Variants in PBX3 observed in about 807,000 individuals in gnomAD.
PBX3 encodes pre-B-cell leukemia transcription factor 3.
In PBX3, 14 loss-of-function variants were observed where a neutral mutation model predicts 48.5. The observed-to-expected ratio is 0.29, with a 90% CI of 0.19 to 0.45. The LOEUF is 0.45. Among genes scored for constraint, PBX3 ranks in the 20% least tolerant of loss-of-function variants. The pLI is 1.00. For synonymous variants in PBX3, 210 were observed against 200.3 expected, an observed-to-expected ratio of 1.05 and a Z score of -0.41; for missense variants, 386 against 546.7, an observed-to-expected ratio of 0.71 and a Z score of 2.93.
In PBX3 at chr9:125,867,852, A is replaced by T. The variant is rs146770915; in HGVS notation, c.275-47834A>T. Among the ~76,000 whole-genome samples the T allele has an allele frequency of 1.1e-3, 172 of 151,530 alleles. 1 individual carries two copies. Among genetic ancestry groups the T allele is most frequent in the African/African-American group, 3.9e-3 (162 of 41,302 alleles). Reference sequence around the variant, plus strand: ...TATATATATACACACACACACATACATATATTTGTTTTGTTTTGCTTTTGT... The same window carrying T: ...TATATATATACACACACACACATACTTATATTTGTTTTGTTTTGCTTTTGT... On this transcript the variant is annotated intron_variant, in intron 2 of 8. Transcript: ENST00000373489.
intron 2 of PBX3, among the ~76,000 whole-genome samples, chr9:125,897,673 A>G (rs973960377): frequency 1.3e-5 from 2 of 151,938 alleles, no homozygotes; most frequent in Admixed American, 1.3e-4. Flanking sequence ...GAAAACTGCT[A>G]TTTGAGGGCA....
chr9:125,830,767 G>T (rs1385415633), intron 2 of PBX3, among the ~76,000 whole-genome samples: 1 of 152,062 alleles, frequency 6.6e-6, no homozygotes, highest in East Asian at 1.9e-4. Flanking sequence ...GTTTAAAGAA[G>T]CTAAGTAACT....
chr9:125,783,570 A>G (rs766977459), intron 2 of PBX3, among the ~76,000 whole-genome samples: 1 of 152,166 alleles, frequency 6.6e-6, no homozygotes, highest in Non-Finnish European at 1.5e-5. Context: ...TACAGGCATC[A>G]GCCACCACGT....
intron 2 of PBX3, among the ~76,000 whole-genome samples, chr9:125,852,712 A>C (rs541341977): frequency 6.6e-6 from 1 of 152,264 alleles, no homozygotes; most frequent in South Asian, 2.1e-4. Context: ...TCTGTTATGA[A>C]ACATTTCCCA....
At chr9:125,809,097 C>T (rs1403916937) in intron 2 of PBX3, among the ~76,000 whole-genome samples, 2 of 152,158 alleles carry the variant, frequency 1.3e-5, no homozygotes, top group African/African-American at 4.8e-5. Flanking sequence ...AAACCTGGTA[C>T]TAAATAGACT....
intron 2 of PBX3, among the ~76,000 whole-genome samples, chr9:125,897,142 T>G (rs1022015394): frequency 5.9e-5 from 1 of 17,036 alleles, no homozygotes; most frequent in East Asian, 1.2e-3. Flanking sequence ...TCATTTGTGG[T>G]TTTTTTTTTT....
intron 2 of PBX3, among the ~76,000 whole-genome samples, chr9:125,868,574 T>G (rs1840043865): frequency 6.6e-6 from 1 of 151,926 alleles, no homozygotes; most frequent in African/African-American, 2.4e-5. Context: ...GAGTAGGGGG[T>G]GTCTGTCAGT....
At chr9:125,903,432 A>G (rs1840997068) in intron 2 of PBX3, among the ~76,000 whole-genome samples, 1 of 151,840 alleles carries the variant, frequency 6.6e-6, no homozygotes, top group South Asian at 2.1e-4. Flanking sequence ...TCATCAGTAT[A>G]TCTTGATGCC....
chr9:125,935,202 G>A (rs1185888677), intron 4 of PBX3, among the ~76,000 whole-genome samples: 1 of 152,114 alleles, frequency 6.6e-6, no homozygotes, highest in African/African-American at 2.4e-5. Context: ...GATCTTCATT[G>A]AATATCTAAA....
intron 2 of PBX3, among the ~76,000 whole-genome samples, chr9:125,770,453 A>C (rs1288130270): frequency 6.6e-6 from 1 of 152,180 alleles, no homozygotes; most frequent in East Asian, 1.9e-4. Flanking sequence ...CTCAATGAAA[A>C]AAATCTTGTA....
chr9:125,949,348 T>TCAACCTA, intron 5 of PBX3: 2 of 1,550,372 alleles, frequency 1.3e-6, no homozygotes, highest in Non-Finnish European at 1.7e-6. Context: ...TGTCATCCAT[T>TCAACCTA]CAACCTACAT....
chr9:125,896,738 G>GTTC (rs1443807091), intron 2 of PBX3, among the ~76,000 whole-genome samples: 1 of 152,010 alleles, frequency 6.6e-6, no homozygotes, highest in Non-Finnish European at 1.5e-5. Context: ...TTGCTGACAA[G>GTTC]TTCTTCAATC....
In PBX3 at chr9:125,954,783, C is replaced by T. The variant is rs547578442; in HGVS notation, c.844-5901C>T. Among the ~76,000 whole-genome samples, 535 of 152,278 alleles carry T rather than the reference C, an allele frequency of 3.5e-3. 2 individuals are homozygous for T. Among genetic ancestry groups the T allele is most frequent in the Non-Finnish European group, 5.9e-3 (398 of 68,012 alleles). On this transcript the variant is annotated intron_variant, in intron 5 of 8. Coordinates refer to ENST00000373489, the MANE Select transcript of PBX3 (RefSeq NM_006195.6). Reference sequence around the variant, plus strand: ...CAATCTCCTGACCTCGTGATCCGCCCGCCTCGGCCTCCCAAAGTGCTGGGA... The same window carrying T: ...CAATCTCCTGACCTCGTGATCCGCCTGCCTCGGCCTCCCAAAGTGCTGGGA...
intron 3 of PBX3, among the ~76,000 whole-genome samples, chr9:125,924,717 A>G (rs1034796490): frequency 6.6e-6 from 1 of 152,246 alleles, no homozygotes; most frequent in Non-Finnish European, 1.5e-5. Flanking sequence ...ATTTATGGAT[A>G]TCAACTCTGA....
chr9:125,806,809 T>TTGA (rs1430159685), intron 2 of PBX3, among the ~76,000 whole-genome samples: 1 of 152,218 alleles, frequency 6.6e-6, no homozygotes, highest in Non-Finnish European at 1.5e-5. Flanking sequence ...AGATGTCAGG[T>TTGA]TGATAGTTGG....
At chr9:125,785,215 G>A (rs1311105014) in intron 2 of PBX3, among the ~76,000 whole-genome samples, 2 of 152,230 alleles carry the variant, frequency 1.3e-5, no homozygotes, top group African/African-American at 4.8e-5. Context: ...GTTGAAGGAT[G>A]CCTAGATAGC....
At chr9:125,962,298 C>G in intron 7 of PBX3, 84 bp downstream of exon 7, 1 of 735,922 alleles carries the variant, frequency 1.4e-6, no homozygotes, top group Non-Finnish European at 2.4e-6. Context: ...TGGAAGTGGT[C>G]TACACATCCA....
intron 3 of PBX3, among the ~76,000 whole-genome samples, chr9:125,926,225 A>G (rs910107444): frequency 1.3e-5 from 2 of 152,218 alleles, no homozygotes; most frequent in Non-Finnish European, 2.9e-5. Context: ...AAATCATTTA[A>G]ATTGATAATA....
intron 2 of PBX3, among the ~76,000 whole-genome samples, chr9:125,801,075 A>G (rs1020367522): frequency 2.6e-5 from 4 of 152,104 alleles, no homozygotes; most frequent in Non-Finnish European, 4.4e-5. Flanking sequence ...ATTTGAAGTT[A>G]TTCTGTATCT....
Sources: gnomAD v4.1 joint callset for allele counts (sites outside exome capture counted in the v4.1 genomes callset) on GRCh38, gnomAD v4.1.1 for gene constraint, MANE v1.5 for transcripts, NCBI Gene and HGNC (gene_info 2026-07-23, HGNC 2026-07-21) for gene names.